Variants in PRKD3 observed in about 807,000 individuals in gnomAD.
The protein encoded by PRKD3 is protein kinase D3, also known as serine/threonine-protein kinase D3.
In PRKD3, 47 loss-of-function variants were observed where a neutral mutation model predicts 99.2. The ratio of observed to expected loss-of-function variants is 0.47; its 90% CI spans 0.38 to 0.60. PRKD3 has a LOEUF of 0.60. PRKD3 is among the 20% of genes least tolerant of loss of function. The pLI is 0.00. For missense variants in PRKD3, 1,019 were observed against 1,088.4 expected (o/e 0.94, Z 0.90); for synonymous variants, 392 against 355.4 (o/e 1.10, Z -1.16).
intron 1 of PRKD3, among the ~76,000 whole-genome samples, chr2:37,318,709 T>G (rs995020179): frequency 2.6e-5 from 4 of 152,210 alleles, no homozygotes; most frequent in Non-Finnish European, 5.9e-5. Flanking sequence ...CAACTTTACA[T>G]GAGTTTGAGT....
chr2:37,313,783 G>T (rs1387684420), intron 2 of PRKD3, among the ~76,000 whole-genome samples: 1 of 152,262 alleles, frequency 6.6e-6, no homozygotes, highest in East Asian at 1.9e-4. Flanking sequence ...AGGGATACAC[G>T]TTCAGGGAGC....
At chr2:37,272,769 CTTGA>C (rs1322034654) in intron 11 of PRKD3, among the ~76,000 whole-genome samples, 1 of 152,094 alleles carries the variant, frequency 6.6e-6, no homozygotes, top group Admixed American at 6.5e-5. Flanking sequence ...AGGAGGATCA[CTTGA>C]GCCCAGGAGT....
chr2:37,288,961 G>A (rs1306006998), intron 5 of PRKD3, among the ~76,000 whole-genome samples: 1 of 152,122 alleles, frequency 6.6e-6, no homozygotes, highest in East Asian at 1.9e-4. Context: ...GGCTGAGGCA[G>A]GAGAATTGCT....
intron 14 of PRKD3, among the ~76,000 whole-genome samples, chr2:37,261,258 A>G (rs1668416487): frequency 6.6e-6 from 1 of 152,080 alleles, no homozygotes; most frequent in Admixed American, 6.5e-5. Flanking sequence ...AAGCCGAGGC[A>G]GGTGGATCAT....
At chr2:37,290,566 ATATT>A (rs1315979156) in intron 4 of PRKD3, among the ~76,000 whole-genome samples, 8 of 152,158 alleles carry the variant, frequency 5.3e-5, no homozygotes, top group Non-Finnish European at 8.8e-5. Flanking sequence ...AACAACATGA[ATATT>A]TATGGAGCCA....
intron 2 of PRKD3, among the ~76,000 whole-genome samples, chr2:37,306,001 G>C (rs2124880187): frequency 6.6e-6 from 1 of 151,846 alleles, no homozygotes; most frequent in East Asian, 1.9e-4. Context: ...CTACAACCCA[G>C]GTGTCTCTCC....
chr2:37,261,838 C>G (rs573320331), intron 14 of PRKD3, among the ~76,000 whole-genome samples: 1 of 152,178 alleles, frequency 6.6e-6, no homozygotes, highest in African/African-American at 2.4e-5. Flanking sequence ...TACAATTTTT[C>G]AACTGTAGAA....
intron 1 of PRKD3, among the ~76,000 whole-genome samples, chr2:37,318,276 T>C (rs1023216804): frequency 2.6e-5 from 4 of 152,240 alleles, no homozygotes; most frequent in Admixed American, 2.6e-4. Flanking sequence ...TACTTTCAAG[T>C]AAATGATCAT....
rs1398015867 is a variant in PRKD3 at position 37,316,902 on chromosome 2, A to G, written c.-378T>C. On this transcript the variant is annotated 5_prime_UTR_variant, in exon 2 of 19. Transcript: ENST00000234179. ...AATTTCAGGAAATACATATTGAATAAAAGTTGTTTTTCTGTCAAGGTGAAA... is the reference window on the plus strand; with the variant it reads ...AATTTCAGGAAATACATATTGAATAGAAGTTGTTTTTCTGTCAAGGTGAAA... 2.4e-5 allele frequency: 24 copies of G among 1,010,330 alleles called. No homozygotes were observed. Among genetic ancestry groups the G allele is most frequent in the Non-Finnish European group, 2.7e-5 (23 of 846,136 alleles). 62.6% of individuals were successfully genotyped at this position (1,010,330 alleles called of 1,614,324 possible).
intron 7 of PRKD3, among the ~76,000 whole-genome samples, chr2:37,281,807 A>G (rs1669870241): frequency 6.6e-6 from 1 of 152,230 alleles, no homozygotes; most frequent in Admixed American, 6.5e-5. Flanking sequence ...TTCCTTTTAC[A>G]GAACTACTTA....
chr2:37,311,066 C>T (rs1418276729), intron 2 of PRKD3, among the ~76,000 whole-genome samples: 1 of 152,116 alleles, frequency 6.6e-6, no homozygotes, highest in Non-Finnish European at 1.5e-5. Context: ...AGAAAGCAGA[C>T]TCTATATGTG....
chr2:37,307,228 T>C (rs1018418483), intron 2 of PRKD3, among the ~76,000 whole-genome samples: 8 of 152,226 alleles, frequency 5.3e-5, no homozygotes, highest in African/African-American at 1.9e-4. Context: ...TAAAATCAGA[T>C]ACTGAGACTA....
intron 14 of PRKD3, among the ~76,000 whole-genome samples, chr2:37,264,241 G>C (rs567576258): frequency 6.4e-4 from 97 of 152,212 alleles, no homozygotes; most frequent in African/African-American, 2.2e-3. Context: ...AAAAGTTAAA[G>C]GGAGTCATTC....
intron 1 of PRKD3, chr2:37,324,289 G>A: frequency 7.5e-6 from 7 of 937,032 alleles, no homozygotes; most frequent in Non-Finnish European, 8.9e-6. Flanking sequence ...TCTGGCTTCG[G>A]GAACTAGTTT....
chr2:37,265,884 A>G (rs151136267), intron 14 of PRKD3, among the ~76,000 whole-genome samples: 1 of 152,186 alleles, frequency 6.6e-6, no homozygotes, highest in African/African-American at 2.4e-5. Context: ...TCCATAGCTG[A>G]TAAGAGGAAA....
chr2:37,318,084 A>G (rs769525301), intron 1 of PRKD3, among the ~76,000 whole-genome samples: 1 of 152,134 alleles, frequency 6.6e-6, no homozygotes, highest in Non-Finnish European at 1.5e-5. Context: ...AATAATTCCA[A>G]TGAAGAGAAA....
intron 16 of PRKD3, among the ~76,000 whole-genome samples, chr2:37,258,131 A>T (rs1335399011): frequency 1.3e-5 from 2 of 152,188 alleles, no homozygotes; most frequent in Non-Finnish European, 2.9e-5. Flanking sequence ...TCTTTAGCAA[A>T]AGCATTAATA....
intron 1 of PRKD3, among the ~76,000 whole-genome samples, chr2:37,323,103 A>C (rs963736219): frequency 1.7e-4 from 26 of 151,906 alleles, no homozygotes; most frequent in African/African-American, 5.3e-4. Flanking sequence ...TTTATTTATG[A>C]AGTTCTGTGT....
At chr2:37,293,890 A>G (rs1670559124) in intron 2 of PRKD3, among the ~76,000 whole-genome samples, 1 of 152,202 alleles carries the variant, frequency 6.6e-6, no homozygotes, top group Non-Finnish European at 1.5e-5. Context: ...TTGATTTTAT[A>G]ACATGAACAA....
Sources: allele counts gnomAD v4.1 joint callset (sites outside exome capture counted in the v4.1 genomes callset), GRCh38; gene constraint gnomAD v4.1.1; transcripts MANE v1.5; gene names NCBI Gene and HGNC (gene_info 2026-07-23, HGNC 2026-07-21).